Variants in SATB2 observed in about 807,000 individuals in gnomAD.
SATB2 encodes DNA-binding protein SATB2.
SATB2 carries 1 observed loss-of-function variant against 73.4 expected under a neutral mutation model. The observed-to-expected ratio is 0.01, with a 90% CI of 0.00 to 0.06. SATB2 has a LOEUF of 0.06. Among genes scored for constraint, SATB2 ranks in the 10% least tolerant of loss-of-function variants. The pLI, the probability that SATB2 is intolerant of heterozygous loss-of-function variation, is 1.00. For synonymous variants in SATB2, 397 were observed against 367.0 expected (o/e 1.08, Z -0.93); for missense variants, 459 against 945.8 (o/e 0.49, Z 6.75).
chr2:199,454,154 T>C (rs1213585548), intron 2 of SATB2, among the ~76,000 whole-genome samples: 1 of 152,136 alleles, frequency 6.6e-6, no homozygotes, highest in East Asian at 1.9e-4. Flanking sequence ...CTTTCTTTCA[T>C]AGTTCAACAT....
intron 3 of SATB2, among the ~76,000 whole-genome samples, chr2:199,430,748 T>C (rs1379333377): frequency 6.6e-6 from 1 of 152,224 alleles, no homozygotes; most frequent in African/African-American, 2.4e-5. Flanking sequence ...GACTATCCTA[T>C]GTTCACAAGA....
intron 3 of SATB2, among the ~76,000 whole-genome samples, chr2:199,390,733 T>C (rs554611359): frequency 2.6e-5 from 4 of 152,324 alleles, no homozygotes; most frequent in South Asian, 4.1e-4. Flanking sequence ...TCATTAATTA[T>C]GTGTATTCTT....
intron 5 of SATB2, among the ~76,000 whole-genome samples, chr2:199,379,834 C>T (rs752972092): frequency 4.0e-5 from 6 of 150,186 alleles, no homozygotes; most frequent in Admixed American, 6.6e-5. Context: ...GGCCCGTATA[C>T]GTAAATTGTT....
At position 199,271,874 on chromosome 2, in the gene SATB2, A is replaced by G. The variant is rs995261866; in HGVS notation, c.*337T>C. The G allele has an allele frequency of 1.1e-5, 4 of 351,034 alleles. No homozygotes were observed. The highest frequency in any genetic ancestry group is 1.3e-4 in the East Asian group (2 of 15,024). 21.7% of individuals were successfully genotyped at this position (351,034 alleles called of 1,614,324 possible). A position where few individuals can be genotyped will look rare whatever the true frequency, so the allele number is the denominator to read the frequency against. ...TTTCATCCTGGTACTTGCCTGATGT[A>G]ACTTCCGTTAAGTGCAAGGATAATG... On this transcript the variant is annotated 3_prime_UTR_variant, in exon 11 of 11. Transcript: ENST00000417098.
At chr2:199,382,903 T>A (rs1689821773) in intron 3 of SATB2, among the ~76,000 whole-genome samples, 1 of 152,114 alleles carries the variant, frequency 6.6e-6, no homozygotes, top group Non-Finnish European at 1.5e-5. Context: ...AAATATATTA[T>A]CATCAAAGAG....
intron 7 of SATB2, among the ~76,000 whole-genome samples, chr2:199,338,086 G>A (rs928812114): frequency 4.6e-5 from 7 of 152,060 alleles, no homozygotes; most frequent in Admixed American, 1.3e-4. Context: ...AGTTTCGGCC[G>A]GATGTGGTGG....
At chr2:199,371,472 A>C (rs1034400071) in intron 5 of SATB2, among the ~76,000 whole-genome samples, 2 of 152,050 alleles carry the variant, frequency 1.3e-5, no homozygotes, top group African/African-American at 2.4e-5. Flanking sequence ...ACCGTATTTC[A>C]ACCACTTTTT....
At chr2:199,296,500 G>C (rs1483635805) in intron 10 of SATB2, among the ~76,000 whole-genome samples, 1 of 152,108 alleles carries the variant, frequency 6.6e-6, no homozygotes, top group African/African-American at 2.4e-5. Context: ...AGACTAGCCT[G>C]GGCAACATGG....
chr2:199,283,293 T>C (rs1210500840), intron 10 of SATB2, among the ~76,000 whole-genome samples: 1 of 148,832 alleles, frequency 6.7e-6, no homozygotes, highest in Non-Finnish European at 1.5e-5. Flanking sequence ...GGTTTCATCG[T>C]ATTAGCCAGG....
At chr2:199,409,405 G>A (rs1311790845) in intron 3 of SATB2, among the ~76,000 whole-genome samples, 2 of 152,000 alleles carry the variant, frequency 1.3e-5, no homozygotes, top group Non-Finnish European at 2.9e-5. Context: ...CCGGACCTCA[G>A]GTGATCCTCC....
At chr2:199,310,254 C>T (rs1282742491) in intron 9 of SATB2, among the ~76,000 whole-genome samples, 1 of 152,196 alleles carries the variant, frequency 6.6e-6, no homozygotes, top group Admixed American at 6.5e-5. Context: ...TAACACAACA[C>T]TGCCTTGTTT....
At position 199,297,173 on chromosome 2, in the gene SATB2, T is replaced by C. The variant is rs142970976; in HGVS notation, c.1740+11587A>G. Among the ~76,000 whole-genome samples, 249 of 152,364 alleles carry C rather than the reference T, an allele frequency of 1.6e-3. 1 individual carries two copies. The highest frequency in any genetic ancestry group is 5.7e-3 in the African/African-American group (237 of 41,594). On this transcript the variant is annotated intron_variant, in intron 10 of 10. Transcript: ENST00000417098. The stretch of plus-strand genomic sequence containing the variant: ...TATATACATTGCCCTGTGGCTTTCA[T>C]TTATAAAGCCATGACTTGTTACGTA...
rs143177857 is a variant in SATB2 at position 199,401,323 on chromosome 2, G to T, written c.347-19503C>A. Among the ~76,000 whole-genome samples the T allele has an allele frequency of 1.1e-4, 17 of 152,046 alleles. No homozygotes were observed. In the East Asian group the frequency reaches 3.3e-3, roughly 29 times the overall value. The stretch of plus-strand genomic sequence containing the variant: ...AGCACTTTGGGAGGCCAAGGCAGGC[G>T]GACTACGAGGTCAGGAATTCAAGAC... On this transcript the variant is annotated intron_variant, in intron 3 of 10. Transcript: ENST00000417098.
At chr2:199,293,308 G>T (rs1692927643) in intron 10 of SATB2, among the ~76,000 whole-genome samples, 1 of 151,872 alleles carries the variant, frequency 6.6e-6, no homozygotes. Flanking sequence ...ATTATACATA[G>T]CAATAAGCTG....
At position 199,316,017 on chromosome 2, in the gene SATB2, C is replaced by T. The variant is rs1574498219; in HGVS notation, c.1543-7060G>A. Among the ~76,000 whole-genome samples, 4 of 152,214 alleles carry T rather than the reference C, an allele frequency of 2.6e-5. No homozygotes were observed. The South Asian group carries it at 8.3e-4, about 32-fold the overall frequency. ...CATTTACTCACCCACATCTTCAATA[C>T]AGAAAATGTCAGCATATGTAACCAA... On this transcript the variant is annotated intron_variant, in intron 9 of 10. Coordinates refer to ENST00000417098, the MANE Select transcript of SATB2 (RefSeq NM_001172509.2).
At chr2:199,386,695 A>AGCGC (rs71407896) in intron 3 of SATB2, among the ~76,000 whole-genome samples, 1 of 2,020 alleles carries the variant, frequency 5.0e-4, no homozygotes, top group African/African-American at 8.0e-4. Flanking sequence ...CACGTGCGCA[A>AGCGC]GCGCGCGCGC....
At chr2:199,383,463 A>G (rs566453501) in intron 3 of SATB2, among the ~76,000 whole-genome samples, 1 of 152,308 alleles carries the variant, frequency 6.6e-6, no homozygotes, top group East Asian at 1.9e-4. Flanking sequence ...CATGTCTAAC[A>G]TATTTCCTTT....
At position 199,448,407 on chromosome 2, in the gene SATB2, T is replaced by TA. The variant is rs961167447; in HGVS notation, c.169+7461dup. On this transcript the variant is annotated intron_variant, in intron 2 of 10. Coordinates refer to ENST00000417098, the MANE Select transcript of SATB2 (RefSeq NM_001172509.2). ...TTGCAAAGAAAATATTTTCTTGTGT[T>TA]AAAAAAAAAATCAATCACAATCAGT... Among the ~76,000 whole-genome samples the TA allele has an allele frequency of 6.8e-4, 102 of 149,756 alleles. 2 individuals are homozygous for TA. Among genetic ancestry groups the TA allele is most frequent in the Admixed American group, 2.7e-3 (41 of 15,030 alleles).
chr2:199,317,228 A>G (rs1427592997), intron 9 of SATB2, among the ~76,000 whole-genome samples: 1 of 152,054 alleles, frequency 6.6e-6, no homozygotes, highest in Non-Finnish European at 1.5e-5. Context: ...CTTGCACCCC[A>G]GGCAGCTAGC....
Sources: gnomAD v4.1 joint callset for allele counts (sites outside exome capture counted in the v4.1 genomes callset) on GRCh38, gnomAD v4.1.1 for gene constraint, MANE v1.5 for transcripts, NCBI Gene and HGNC (gene_info 2026-07-23, HGNC 2026-07-21) for gene names.